Variants in MANBA observed in about 807,000 individuals in gnomAD.
MANBA encodes beta-mannosidase.
A neutral mutation model predicts 111.1 loss-of-function variants in MANBA; 83 were observed. The ratio of observed to expected loss-of-function variants is 0.75; its 90% CI spans 0.63 to 0.90. The LOEUF is 0.90. Ranked by LOEUF, MANBA falls within the 40% of genes least tolerant of loss-of-function variation. The pLI is 0.00. For synonymous variants in MANBA, 370 were observed against 378.7 expected (o/e 0.98, Z 0.27); for missense variants, 1,036 against 1,069.0 (o/e 0.97, Z 0.43).
rs1202052934 is a variant in MANBA at position 102,701,319 on chromosome 4, C to A, written c.674-10548G>T. On this transcript the variant is annotated intron_variant, in intron 5 of 16. Transcript: ENST00000647097. ...GGGTCTTGACTCTTTATCCAATTTG[C>A]CAGTCTGTGTCTTTTAATTGGAGCA... Among the ~76,000 whole-genome samples the A allele has an allele frequency of 5.3e-5, 8 of 151,724 alleles. No individual in the cohort carries two copies. In the East Asian group the frequency reaches 1.5e-3, roughly 29 times the overall value.
intron 5 of MANBA, among the ~76,000 whole-genome samples, chr4:102,709,423 A>AAG (rs1231998017): frequency 4.7e-5 from 6 of 128,346 alleles, no homozygotes; most frequent in African/African-American, 7.1e-5. Flanking sequence ...AAGAAAGAGA[A>AAG]AGAGAGAGAG....
At position 102,690,603 on chromosome 4, in the gene MANBA, A is replaced by AT; in HGVS notation, c.841dup (p.Ile281AsnfsTer2). 6.2e-7 allele frequency: 1 copy of AT among 1,610,806 alleles called. No individual in the cohort carries two copies. Among genetic ancestry groups the AT allele is most frequent in the Non-Finnish European group, 8.5e-7 (1 of 1,177,868 alleles). The stretch of plus-strand genomic sequence containing the variant: ...GGAAGTACCATCATTTACCTTGCTA[A>AT]TGTTCACAAATAGCTCAACAATCCT... On this transcript the variant is annotated frameshift_variant, in exon 6 of 17. Transcript: ENST00000647097. LOFTEE classifies it high-confidence loss of function.
chr4:102,717,220 T>C (rs1355122267), intron 4 of MANBA, among the ~76,000 whole-genome samples: 3 of 152,170 alleles, frequency 2.0e-5, no homozygotes, highest in Non-Finnish European at 2.9e-5. Context: ...CAGACACAGC[T>C]CTTCTGCTTA....
intron 7 of MANBA, among the ~76,000 whole-genome samples, chr4:102,686,612 C>T (rs1732226062): frequency 6.6e-6 from 1 of 152,168 alleles, no homozygotes. Flanking sequence ...AAGAATCTTT[C>T]TCAATTCTTT....
chr4:102,665,992 A>G (rs1731203391), intron 10 of MANBA: 1 of 152,236 alleles, frequency 6.6e-6, no homozygotes, highest in Admixed American at 6.5e-5. Context: ...TCAGCCAGCC[A>G]TATAAACACT....
intron 1 of MANBA, among the ~76,000 whole-genome samples, chr4:102,737,490 GT>G (rs1368278620): frequency 2.0e-5 from 3 of 149,334 alleles, no homozygotes; most frequent in East Asian, 2.0e-4. Context: ...TTGTTTGTTT[GT>G]TTTTTTTTTG....
intron 5 of MANBA, among the ~76,000 whole-genome samples, chr4:102,697,097 T>G (rs1048864361): frequency 6.6e-6 from 1 of 152,146 alleles, no homozygotes; most frequent in Non-Finnish European, 1.5e-5. Flanking sequence ...GCAAAATGTT[T>G]CCTAGAACAA....
chr4:102,688,748 T>C (rs1334108648), intron 7 of MANBA, among the ~76,000 whole-genome samples: 1 of 152,196 alleles, frequency 6.6e-6, no homozygotes, highest in African/African-American at 2.4e-5. Flanking sequence ...AGTGCAGTTC[T>C]TTCCAATTCC....
At chr4:102,720,692 A>G (rs1396789636) in intron 4 of MANBA, among the ~76,000 whole-genome samples, 1 of 152,184 alleles carries the variant, frequency 6.6e-6, no homozygotes, top group Non-Finnish European at 1.5e-5. Context: ...CAAAAGAATC[A>G]AAAGATAAAT....
intron 7 of MANBA, among the ~76,000 whole-genome samples, chr4:102,677,032 GAGCAATATCCATAA>G (rs1560767689): frequency 6.6e-6 from 1 of 152,184 alleles, no homozygotes; most frequent in East Asian, 1.9e-4. Context: ...ATTATGAAAT[GAGCAATATCCATAA>G]AGCACCATTC....
chr4:102,740,573 G>A (rs546865577), intron 1 of MANBA, among the ~76,000 whole-genome samples: 1 of 152,180 alleles, frequency 6.6e-6, no homozygotes, highest in Admixed American at 6.5e-5. Context: ...CACAAAAACA[G>A]CATGCTACAA....
At chr4:102,698,969 T>C (rs1212994853) in intron 5 of MANBA, among the ~76,000 whole-genome samples, 1 of 152,244 alleles carries the variant, frequency 6.6e-6, no homozygotes, top group African/African-American at 2.4e-5. Flanking sequence ...TTTCACAATA[T>C]TGATTCTTCC....
intron 5 of MANBA, among the ~76,000 whole-genome samples, chr4:102,702,886 CA>C (rs1733124437): frequency 6.6e-6 from 1 of 152,144 alleles, no homozygotes; most frequent in Admixed American, 6.5e-5. Context: ...CTAGCCTCAA[CA>C]GGGGGAAGGC....
chr4:102,639,866 G>A lies in MANBA; in HGVS notation c.1870-9C>T. ...CACTGGGCCTGCATCACCTGATTCA[G>A]GAAAACATTCATACACAGGTGTTAT... On this transcript the variant is annotated splice_polypyrimidine_tract_variant and intron_variant, in intron 13 of 16. Coordinates refer to ENST00000647097, the MANE Select transcript of MANBA (RefSeq NM_005908.4). 6.2e-7 allele frequency: 1 copy of A among 1,613,850 alleles called. No individual in the cohort carries two copies. Among genetic ancestry groups the A allele is most frequent in the Non-Finnish European group, 8.5e-7 (1 of 1,179,832 alleles).
chr4:102,669,127 G>T (rs909955557), intron 9 of MANBA, 78 bp from the exon 10 acceptor site: 4 of 1,104,370 alleles, frequency 3.6e-6, no homozygotes, highest in African/African-American at 1.6e-5. Flanking sequence ...TCTGAGCTCT[G>T]GGCATTATCT....
At chr4:102,712,503 A>C (rs1722118681) in intron 5 of MANBA, among the ~76,000 whole-genome samples, 2 of 150,616 alleles carry the variant, frequency 1.3e-5, no homozygotes, top group Non-Finnish European at 2.9e-5. Flanking sequence ...TAAATAAATA[A>C]CTTTTTGCTA....
intron 12 of MANBA, among the ~76,000 whole-genome samples, chr4:102,654,593 T>C (rs1262010016): frequency 6.6e-6 from 1 of 152,206 alleles, no homozygotes; most frequent in Non-Finnish European, 1.5e-5. Context: ...CAAAATCACA[T>C]AATCATTTCA....
chr4:102,717,998 G>A (rs975628585), intron 4 of MANBA, among the ~76,000 whole-genome samples: 5 of 152,238 alleles, frequency 3.3e-5, no homozygotes, highest in Non-Finnish European at 5.9e-5. Flanking sequence ...TAGGCAACCA[G>A]GGCAATATTT....
Position 102,639,832 on chromosome 4 carries a change from G to A in MANBA, c.1895C>T (p.Thr632Ile), listed in dbSNP as rs1290807087. 16 of 1,614,034 alleles carry A rather than the reference G, an allele frequency of 9.9e-6. No homozygotes were observed. Among genetic ancestry groups the A allele is most frequent in the African/African-American group, 1.3e-5 (1 of 75,008 alleles). The change falls in exon 14 of 17, where the codon ACA (threonine) becomes ATA (isoleucine). Residue 632 changes from threonine (T) to isoleucine (I), a missense_variant. Coordinates refer to ENST00000647097, the MANE Select transcript of MANBA (RefSeq NM_005908.4). ...ACTACGGCGGTAGAATTCAGTTTCTGTTTTGACACACTGGGCCTGCATCAC... is the reference window on the plus strand; with the variant it reads ...ACTACGGCGGTAGAATTCAGTTTCTATTTTGACACACTGGGCCTGCATCAC... ...TQVMQAQCVKTETEFYRRSRS... is the reference protein window; with the variant it reads ...TQVMQAQCVKIETEFYRRSRS...
Sources: gnomAD v4.1 joint callset for allele counts (sites outside exome capture counted in the v4.1 genomes callset) on GRCh38, gnomAD v4.1.1 for gene constraint, MANE v1.5 for transcripts, NCBI Gene and HGNC (gene_info 2026-07-23, HGNC 2026-07-21) for gene names.